MGAT4C: variants seen among roughly 807,000 people sequenced by gnomAD.
MGAT4C encodes alpha-1,3-mannosyl-glycoprotein 4-beta-N-acetylglucosaminyltransferase C.
Under a neutral mutation model 40.1 loss-of-function variants are expected in MGAT4C, and 19 were observed. The ratio of observed to expected loss-of-function variants is 0.47; its 90% CI spans 0.33 to 0.70. The LOEUF (loss-of-function observed/expected upper bound fraction) is 0.70, where lower values mean the gene tolerates loss of function less well. MGAT4C is among the 30% of genes least tolerant of loss of function. The pLI is 0.02. For synonymous variants in MGAT4C, 181 were observed against 187.1 expected (o/e 0.97, Z 0.27); for missense variants, 491 against 563.2 (o/e 0.87, Z 1.30).
intron 1 of MGAT4C, among the ~76,000 whole-genome samples, chr12:86,167,745 C>T (rs1304736861): frequency 1.3e-5 from 2 of 152,188 alleles, no homozygotes; most frequent in South Asian, 2.1e-4. Flanking sequence ...ATGACCCAAT[C>T]ACCTCTTAAA....
intron 4 of MGAT4C, chr12:86,334,000 T>C (rs764180130): frequency 6.6e-6 from 1 of 152,160 alleles, no homozygotes; most frequent in Non-Finnish European, 1.5e-5. Flanking sequence ...ACAAATGCCA[T>C]ATCATATTAC....
chr12:86,097,017 T>C (rs1001404070), intron 1 of MGAT4C, among the ~76,000 whole-genome samples: 3 of 151,698 alleles, frequency 2.0e-5, no homozygotes, highest in Non-Finnish European at 4.4e-5. Context: ...TCTTCAGAAC[T>C]GTATGTCCAT....
chr12:86,769,373 T>A (rs1413419345), intron 1 of MGAT4C, among the ~76,000 whole-genome samples: 4 of 152,118 alleles, frequency 2.6e-5, no homozygotes, highest in Middle Eastern at 3.4e-3. Context: ...AAACAGGTGC[T>A]GGAGAGGATG....
chr12:86,032,675 G>C lies in MGAT4C; in HGVS notation c.-7+16999C>G, dbSNP rs146965838. ...GATTCTGGATATTAGACTTTTGCTA[G>C]AGGCATAGTATGCAAACATTTTCTA... On this transcript the variant is annotated intron_variant, in intron 2 of 4. Coordinates refer to ENST00000611864, the MANE Select transcript of MGAT4C (RefSeq NM_001351288.2). Among the ~76,000 whole-genome samples the C allele has an allele frequency of 2.3e-3, 343 of 149,832 alleles. 8 individuals are homozygous for C. Among genetic ancestry groups the C allele is most frequent in the Middle Eastern group, 0.015 (4 of 274 alleles).
intron 1 of MGAT4C, 37 bp downstream of exon 1, chr12:86,256,202 A>T (rs1400481604): frequency 2.6e-5 from 4 of 152,176 alleles, no homozygotes; most frequent in Middle Eastern, 3.4e-3. Flanking sequence ...ATCTACCTTT[A>T]TTTTAAAAGA....
At chr12:86,321,795 C>T (rs1954395603) in intron 4 of MGAT4C, among the ~76,000 whole-genome samples, 1 of 152,088 alleles carries the variant, frequency 6.6e-6, no homozygotes, top group East Asian at 1.9e-4. Context: ...CTAGTTCAAC[C>T]ACTGTGGAAG....
chr12:86,790,958 G>C (rs1264653547), intron 1 of MGAT4C, among the ~76,000 whole-genome samples: 1 of 152,106 alleles, frequency 6.6e-6, no homozygotes, highest in South Asian at 2.1e-4. Context: ...TTCTCCCATT[G>C]TGTAGGCAAC....
intron 1 of MGAT4C, among the ~76,000 whole-genome samples, chr12:86,190,482 A>G (rs1889260815): frequency 6.6e-6 from 1 of 152,134 alleles, no homozygotes; most frequent in Admixed American, 6.6e-5. Flanking sequence ...ATCAGATCAT[A>G]CATCATTCCT....
intron 2 of MGAT4C, among the ~76,000 whole-genome samples, chr12:86,449,506 C>T (rs952792996): frequency 1.3e-5 from 2 of 151,650 alleles, no homozygotes; most frequent in African/African-American, 2.4e-5. Context: ...TTGAGACAGC[C>T]ATTTATCAAA....
In MGAT4C at chr12:86,576,262, T is replaced by A. The variant is rs137978694; in HGVS notation, c.-228-140997A>T. 1.4e-4 allele frequency among the ~76,000 whole-genome samples: 22 copies of A among 152,092 alleles called. No individual in the cohort carries two copies. The East Asian group carries it at 4.1e-3, about 28-fold the overall frequency. ...TGTCAGAGAGGTAGTTTGCAAATAT[T>A]TTCTCCCATTTTGTGGGTTGTCTCT... On this transcript the variant is annotated intron_variant, in intron 2 of 7. Transcript: ENST00000548651.
chr12:86,013,693 T>C (rs1263993445), intron 2 of MGAT4C: 5 of 982,138 alleles, frequency 5.1e-6, no homozygotes, highest in Non-Finnish European at 6.0e-6. Context: ...GAATTTTACC[T>C]ACTGTTTACA....
intron 4 of MGAT4C, among the ~76,000 whole-genome samples, chr12:86,289,991 TA>T (rs1325113101): frequency 6.6e-6 from 1 of 152,146 alleles, no homozygotes; most frequent in Non-Finnish European, 1.5e-5. Flanking sequence ...AGAGACATCA[TA>T]GGTCATACTG....
intron 3 of MGAT4C, among the ~76,000 whole-genome samples, chr12:86,370,182 C>T (rs879852000): frequency 6.6e-6 from 1 of 151,822 alleles, no homozygotes; most frequent in Admixed American, 6.6e-5. Flanking sequence ...AAATGAGGTG[C>T]AGCTCATAGT....
intron 4 of MGAT4C, among the ~76,000 whole-genome samples, chr12:86,310,385 G>A (rs1179828124): frequency 4.6e-5 from 7 of 152,144 alleles, no homozygotes; most frequent in Non-Finnish European, 8.8e-5. Context: ...GAATGGTATG[G>A]CAAACCAGCA....
chr12:86,287,203 C>T (rs1335079161), intron 4 of MGAT4C, among the ~76,000 whole-genome samples: 1 of 152,076 alleles, frequency 6.6e-6, no homozygotes, highest in Admixed American at 6.6e-5. Context: ...TCCCACCCTA[C>T]ACACACCAGG....
chr12:86,077,545 T>G (rs541604603), intron 1 of MGAT4C, among the ~76,000 whole-genome samples: 1 of 152,326 alleles, frequency 6.6e-6, no homozygotes, highest in African/African-American at 2.4e-5. Flanking sequence ...GCTCCTCACT[T>G]CTGCAGCTGG....
At chr12:86,334,914 C>G (rs1399254010) in intron 3 of MGAT4C, among the ~76,000 whole-genome samples, 1 of 151,976 alleles carries the variant, frequency 6.6e-6, no homozygotes, top group East Asian at 1.9e-4. Context: ...TGTGAACCTC[C>G]ATATTATAAT....
intron 3 of MGAT4C, among the ~76,000 whole-genome samples, chr12:86,341,691 C>A (rs1954908472): frequency 6.6e-6 from 1 of 152,148 alleles, no homozygotes; most frequent in African/African-American, 2.4e-5. Flanking sequence ...CTTTGGAGAG[C>A]CTGAGCCAAC....
chr12:86,700,778 T>C (rs1375955358), intron 2 of MGAT4C, among the ~76,000 whole-genome samples: 1 of 152,156 alleles, frequency 6.6e-6, no homozygotes, highest in African/African-American at 2.4e-5. Flanking sequence ...AAAAGACCAA[T>C]ATTGCTTAGT....
Sources: gnomAD v4.1 joint callset for allele counts (sites outside exome capture counted in the v4.1 genomes callset) on GRCh38, gnomAD v4.1.1 for gene constraint, MANE v1.5 for transcripts, NCBI Gene and HGNC (gene_info 2026-07-23, HGNC 2026-07-21) for gene names.